FAM81B: variants seen among roughly 807,000 people sequenced by gnomAD.
The protein encoded by FAM81B is protein FAM81B.
In FAM81B, 60 loss-of-function variants were observed where a neutral mutation model predicts 58.7. That is an observed-to-expected ratio of 1.02 (90% confidence interval 0.83 to 1.27). The LOEUF is 1.27. FAM81B is among the 50% of genes most tolerant of loss of function. The pLI is 0.00. For synonymous variants in FAM81B, 189 were observed against 179.6 expected, an observed-to-expected ratio of 1.05 and a Z score of -0.42; for missense variants, 491 against 522.0, an observed-to-expected ratio of 0.94 and a Z score of 0.58.
intron 6 of FAM81B, among the ~76,000 whole-genome samples, chr5:95,434,854 T>C (rs534226653): frequency 1.3e-5 from 2 of 152,364 alleles, no homozygotes; most frequent in East Asian, 3.9e-4. Flanking sequence ...AAATTTGTAA[T>C]TGCAGTGTTG....
chr5:95,417,820 C>G (rs960523126), intron 4 of FAM81B, among the ~76,000 whole-genome samples: 1 of 152,172 alleles, frequency 6.6e-6, no homozygotes, highest in African/African-American at 2.4e-5. Flanking sequence ...CATACGGCTC[C>G]AGGCTGCTTG....
intron 3 of FAM81B, among the ~76,000 whole-genome samples, chr5:95,397,821 G>T (rs1762002624): frequency 6.6e-6 from 1 of 152,052 alleles, no homozygotes; most frequent in Admixed American, 6.5e-5. Flanking sequence ...ATTGTCTTTT[G>T]GTCTCTCTCT....
At chr5:95,426,094 G>GTGTATATATATATATATA (rs1491455240) in intron 5 of FAM81B, among the ~76,000 whole-genome samples, 17 of 120,180 alleles carry the variant, frequency 1.4e-4, no homozygotes, top group African/African-American at 3.9e-4. Context: ...ATCTCTGTGT[G>GTGTATATATATATATATA]TATATATATA....
At chr5:95,400,634 T>A in intron 3 of FAM81B, among the ~76,000 whole-genome samples, 1 of 152,158 alleles carries the variant, frequency 6.6e-6, no homozygotes, top group South Asian at 2.1e-4. Flanking sequence ...ATTCAACCCA[T>A]AACAATATTT....
chr5:95,415,424 G>T (rs950620092), intron 4 of FAM81B, among the ~76,000 whole-genome samples: 2 of 152,164 alleles, frequency 1.3e-5, no homozygotes, highest in Admixed American at 6.5e-5. Context: ...CATCTGCAGG[G>T]TTTAACAGAC....
intron 3 of FAM81B, chr5:95,396,601 C>T (rs1156822684): frequency 2.6e-5 from 4 of 154,866 alleles, no homozygotes; most frequent in African/African-American, 9.6e-5. Flanking sequence ...CTGCTATTTA[C>T]AGTGCCATAC....
intron 3 of FAM81B, among the ~76,000 whole-genome samples, chr5:95,412,596 CA>C (rs1762433485): frequency 6.6e-6 from 1 of 152,092 alleles, no homozygotes; most frequent in Non-Finnish European, 1.5e-5. Context: ...GGCTGAATGA[CA>C]AAAACAAATT....
chr5:95,401,183 T>G (rs1037761184), intron 3 of FAM81B, among the ~76,000 whole-genome samples: 1 of 152,118 alleles, frequency 6.6e-6, no homozygotes, highest in Non-Finnish European at 1.5e-5. Flanking sequence ...TACTAAAAAT[T>G]TTGCTGAACA....
intron 5 of FAM81B, chr5:95,424,129 T>A: frequency 7.8e-7 from 1 of 1,289,828 alleles, no homozygotes; most frequent in Non-Finnish European, 1.0e-6. Context: ...GATTTGATAC[T>A]GCAAGCCTGA....
chr5:95,448,157 G>A, intron 8 of FAM81B, 112 bp from the exon 9 acceptor site: 1 of 1,016,040 alleles, frequency 9.8e-7, no homozygotes. Context: ...AAGGAACTTG[G>A]TTTGAATTTT....
chr5:95,423,502 G>A lies in FAM81B; in HGVS notation c.656+3100G>A, dbSNP rs192605996. On this transcript the variant is annotated intron_variant, in intron 5 of 9. Coordinates refer to ENST00000283357, the MANE Select transcript of FAM81B (RefSeq NM_152548.3). ...GCCGCAGTCAGAGGCGAACTCTCTA[G>A]CCCCATTTGGCTCTTTAGGACTCCA... Among the ~76,000 whole-genome samples the A allele has an allele frequency of 4.1e-3, 588 of 143,822 alleles. 10 individuals are homozygous for A. The highest frequency in any genetic ancestry group is 1.3e-3 in the Non-Finnish European group (89 of 67,158). The allele number at this position is 143,822 out of a possible 152,430, so 94.4% of individuals were successfully genotyped here. A position where few individuals can be genotyped will look rare whatever the true frequency, so the allele number is the denominator to read the frequency against.
At chr5:95,439,604 G>A (rs1417792813) in intron 7 of FAM81B, among the ~76,000 whole-genome samples, 4 of 106,646 alleles carry the variant, frequency 3.8e-5, no homozygotes, top group African/African-American at 1.7e-4. Flanking sequence ...GTAAGACAGG[G>A]TTATTTTTTT....
At chr5:95,437,967 C>T (rs565630200) in intron 7 of FAM81B, among the ~76,000 whole-genome samples, 1 of 152,198 alleles carries the variant, frequency 6.6e-6, no homozygotes, top group Admixed American at 6.5e-5. Flanking sequence ...TTTCCCATCT[C>T]TACTGTATTT....
In FAM81B at chr5:95,432,027, T is replaced by C. The variant is rs561791123; in HGVS notation, c.786+3295T>C. Among the ~76,000 whole-genome samples, 8 of 152,208 alleles carry C rather than the reference T, an allele frequency of 5.3e-5. No individual in the cohort carries two copies. In the East Asian group the frequency reaches 1.5e-3, roughly 29 times the overall value. The stretch of plus-strand genomic sequence containing the variant: ...TCCTGGTCTTCTTCCTAACTTTAAC[T>C]GTCCTGTGTTTCCCTTATGATGGGG... On this transcript the variant is annotated intron_variant, in intron 6 of 9. Coordinates refer to ENST00000283357, the MANE Select transcript of FAM81B (RefSeq NM_152548.3).
chr5:95,405,924 C>T (rs1417529828), intron 3 of FAM81B, among the ~76,000 whole-genome samples: 1 of 152,212 alleles, frequency 6.6e-6, no homozygotes, highest in African/African-American at 2.4e-5. Context: ...TCCCCAAAGT[C>T]AATTGTTCCC....
At chr5:95,392,411 C>G (rs1049010144) in intron 1 of FAM81B, among the ~76,000 whole-genome samples, 1 of 152,058 alleles carries the variant, frequency 6.6e-6, no homozygotes, top group Non-Finnish European at 1.5e-5. Context: ...AGATGATGGG[C>G]TGATGGGTGC....
chr5:95,446,951 T>C (rs2548651), intron 8 of FAM81B, among the ~76,000 whole-genome samples: 1 of 144,872 alleles, frequency 6.9e-6, no homozygotes. Context: ...TTTTTTTTTT[T>C]AAAAAAAAAA....
rs1458357286 is a variant in FAM81B at position 95,392,797 on chromosome 5, C to G, written c.128C>G (p.Thr43Arg). Residue 43 changes from threonine (T) to arginine (R), a missense_variant, in exon 2 of 10, where the codon ACA becomes AGA. Thr to Arg is a moderately conservative substitution (Grantham distance 71). Transcript: ENST00000283357. ...AGKASIMSSD[T>R]NVNKSASPTA... ...ATTCAGCATTCTGGTTACCTAGATACAAATGTAAACAAAAGTGCCTCTCCA... is the reference window on the plus strand; with the variant it reads ...ATTCAGCATTCTGGTTACCTAGATAGAAATGTAAACAAAAGTGCCTCTCCA... 1.2e-6 allele frequency: 2 copies of G among 1,607,554 alleles called. No individual in the cohort carries two copies. Among genetic ancestry groups the G allele is most frequent in the South Asian group, 2.2e-5 (2 of 89,844 alleles).
intron 3 of FAM81B, among the ~76,000 whole-genome samples, chr5:95,413,081 T>A (rs2152763350): frequency 6.6e-6 from 1 of 152,290 alleles, no homozygotes; most frequent in Middle Eastern, 3.4e-3. Flanking sequence ...TGATGAAGAG[T>A]GTTTTTTGAA....
Sources: allele counts gnomAD v4.1 joint callset (sites outside exome capture counted in the v4.1 genomes callset), GRCh38; gene constraint gnomAD v4.1.1; transcripts MANE v1.5; gene names NCBI Gene and HGNC (gene_info 2026-07-23, HGNC 2026-07-21).